The following AMBP variants were observed in gnomAD, a reference collection of about 807,000 sequenced individuals.
The protein encoded by AMBP is alpha-1-microglobulin/bikunin precursor.
AMBP carries 37 observed loss-of-function variants against 46.3 expected under a neutral mutation model. The observed-to-expected ratio is 0.80, with a 90% CI of 0.61 to 1.05. AMBP has a LOEUF of 1.05. Among genes scored for constraint, AMBP ranks in the 50% least tolerant of loss-of-function variants. The pLI, the probability that AMBP is intolerant of heterozygous loss-of-function variation, is 0.00. For synonymous variants in AMBP, 174 were observed against 175.9 expected (o/e 0.99, Z 0.09); for missense variants, 475 against 461.2 (o/e 1.03, Z -0.27).
chr9:114,070,862 T>C (rs1846737714), intron 5 of AMBP, among the ~76,000 whole-genome samples: 2 of 151,696 alleles, frequency 1.3e-5, no homozygotes, highest in South Asian at 2.1e-4. Flanking sequence ...CCTGATACTC[T>C]GGATGGCTGG....
intron 5 of AMBP, among the ~76,000 whole-genome samples, chr9:114,071,926 G>A (rs946827870): frequency 2.0e-5 from 3 of 152,214 alleles, no homozygotes; most frequent in African/African-American, 7.2e-5. Context: ...CACCCTGGCT[G>A]CAGAAAGGAG....
At chr9:114,060,561 TACTA>T (rs1451700965) in intron 9 of AMBP, among the ~76,000 whole-genome samples, 1 of 152,156 alleles carries the variant, frequency 6.6e-6, no homozygotes, top group Non-Finnish European at 1.5e-5. Context: ...GTTAGCTGAG[TACTA>T]ACTCCGCGTC....
rs1846776698 is a variant in AMBP, at chr9:114,074,116, G to C, written c.374C>G (p.Thr125Ser). Residue 125 changes from threonine (T) to serine (S), a missense_variant, in exon 4 of 10, where the codon ACC becomes AGC. Physicochemically the swap from Thr to Ser is moderately conservative, Grantham distance 58. This residue lies in a region of AMBP where 179 missense variants were observed against 167.4 expected (regional missense o/e 1.07). Transcript: ENST00000265132. ...GAAAATGGCATACTCATCATAGTTG[G>C]TGTGGACCACATAGGACTCCATGGT... ...NITMESYVVH[T>S]NYDEYAIFLT... The C allele has an allele frequency of 6.2e-7, 1 of 1,614,158 alleles. No homozygotes were observed. The highest frequency in any genetic ancestry group is 1.1e-5 in the South Asian group (1 of 91,070).
intron 1 of AMBP, 80 bp from the exon 2 acceptor site, chr9:114,076,820 T>C: frequency 6.7e-7 from 1 of 1,501,226 alleles, no homozygotes; most frequent in Non-Finnish European, 9.1e-7. Context: ...CTCCCCACCC[T>C]CCACCTCCTC....
At position 114,060,199 on chromosome 9, in the gene AMBP, C is replaced by T. The variant is rs1265227562; in HGVS notation, c.*40G>A. ...CGCTGCCTGCCACAGGACCCCGGGACAGACACTGGCCATCCTCTGACTTGC... is the reference window on the plus strand; with the variant it reads ...CGCTGCCTGCCACAGGACCCCGGGATAGACACTGGCCATCCTCTGACTTGC... On this transcript the variant is annotated 3_prime_UTR_variant, in exon 10 of 10. Transcript: ENST00000265132. The T allele has an allele frequency of 1.2e-6, 2 of 1,602,284 alleles. No individual in the cohort carries two copies. The highest frequency in any genetic ancestry group is 3.4e-5 in the Admixed American group (2 of 58,940).
intron 6 of AMBP, among the ~76,000 whole-genome samples, chr9:114,069,072 A>G (rs1023931875): frequency 3.3e-5 from 5 of 151,976 alleles, no homozygotes; most frequent in Non-Finnish European, 7.4e-5. Flanking sequence ...ATACACATAT[A>G]TATATACACA....
At position 114,062,264 on chromosome 9, in the gene AMBP, T is replaced by C. The variant is rs1846646936; in HGVS notation, c.685+413A>G. Among the ~76,000 whole-genome samples the C allele has an allele frequency of 2.6e-5, 4 of 152,136 alleles. 1 individual carries two copies. The South Asian group carries it at 8.3e-4, about 32-fold the overall frequency. On this transcript the variant is annotated intron_variant, in intron 7 of 9. Transcript: ENST00000265132. ...GTTCAGTGTTTGTTTGCTGATCGAG[T>C]TGGAGAGGAAGTTGTTATGTCATGG...
At position 114,061,081 on chromosome 9, in the gene AMBP, T is replaced by TG. The variant is rs1846632314; in HGVS notation, c.870dup (p.Ile291HisfsTer16). ...AAGGCTCGGCAGGGGCCCCGGACTATGGGGAGATTGCAGGCCGCTGTGGAG... is the reference window on the plus strand; with the variant it reads ...AAGGCTCGGCAGGGGCCCCGGACTATGGGGGAGATTGCAGGCCGCTGTGGAG... On this transcript the variant is annotated frameshift_variant, in exon 9 of 10. Coordinates refer to ENST00000265132, the MANE Select transcript of AMBP (RefSeq NM_001633.4). LOFTEE classifies it high-confidence loss of function. 6.2e-7 allele frequency: 1 copy of TG among 1,614,102 alleles called. No individual in the cohort carries two copies. The highest frequency in any genetic ancestry group is 2.2e-5 in the East Asian group (1 of 44,860).
At chr9:114,073,902 T>C (rs1846773103) in intron 4 of AMBP, 134 bp downstream of exon 4, 1 of 804,046 alleles carries the variant, frequency 1.2e-6, no homozygotes, top group Non-Finnish European at 2.1e-6. Context: ...GACTCAGTGA[T>C]TGTACCTTTC....
At chr9:114,061,242 A>C in intron 8 of AMBP, 144 bp from the exon 9 acceptor site, 1 of 1,394,824 alleles carries the variant, frequency 7.2e-7, no homozygotes, top group Non-Finnish European at 9.7e-7. Context: ...GCCCACAGGA[A>C]GAAAATGATT....
At chr9:114,066,376 C>T (rs889283018) in intron 6 of AMBP, among the ~76,000 whole-genome samples, 3 of 141,280 alleles carry the variant, frequency 2.1e-5, no homozygotes, top group East Asian at 2.2e-4. Context: ...TTTATGTGCA[C>T]GTGTGTGTGT....
intron 2 of AMBP, 122 bp downstream of exon 2, chr9:114,076,476 G>A (rs914796269): frequency 1.4e-5 from 20 of 1,399,232 alleles, no homozygotes; most frequent in Non-Finnish European, 1.8e-5. Context: ...AGAGGGATCT[G>A]GGGTTCAGCG....
chr9:114,065,468 C>T (rs953414379), intron 6 of AMBP, among the ~76,000 whole-genome samples: 6 of 152,166 alleles, frequency 3.9e-5, no homozygotes, highest in African/African-American at 1.4e-4. Context: ...ACAGAAGGAA[C>T]CAACCCTACC....
At chr9:114,064,148 G>C (rs1329933796) in intron 6 of AMBP, among the ~76,000 whole-genome samples, 1 of 152,158 alleles carries the variant, frequency 6.6e-6, no homozygotes, top group African/African-American at 2.4e-5. Context: ...GCCACTGGCC[G>C]TATGATATAA....
chr9:114,070,802 A>G lies in AMBP; in HGVS notation c.557-1057T>C, dbSNP rs570044139. Among the ~76,000 whole-genome samples, 438 of 152,018 alleles carry G rather than the reference A, an allele frequency of 2.9e-3. 3 individuals are homozygous for G. The highest frequency in any genetic ancestry group is 9.8e-3 in the African/African-American group (405 of 41,442). On this transcript the variant is annotated intron_variant, in intron 5 of 9. Transcript: ENST00000265132. ...TTGGGAGGAGGCTGTGTGTGAAGCCACCAGGGGCCATGTCCCCAGGGTCCA... is the reference window on the plus strand; with the variant it reads ...TTGGGAGGAGGCTGTGTGTGAAGCCGCCAGGGGCCATGTCCCCAGGGTCCA...
intron 9 of AMBP, among the ~76,000 whole-genome samples, chr9:114,060,689 C>A (rs145403949): frequency 4.2e-3 from 632 of 152,282 alleles, no homozygotes; most frequent in Non-Finnish European, 6.0e-3. Flanking sequence ...CCAGCTCTGC[C>A]CCACTCCTCA....
At chr9:114,073,946 A>C in intron 4 of AMBP, 90 bp downstream of exon 4, 3 of 1,263,694 alleles carry the variant, frequency 2.4e-6, no homozygotes, top group Non-Finnish European at 3.5e-6. Context: ...GGAAAAAGCA[A>C]AACTCCCTGT....
chr9:114,073,375 T>G (rs1406072206), intron 4 of AMBP, among the ~76,000 whole-genome samples: 6 of 151,880 alleles, frequency 4.0e-5, no homozygotes, highest in Non-Finnish European at 8.8e-5. Context: ...GCCTCCTGAG[T>G]AGCTGGGACT....
At chr9:114,067,739 C>T (rs1238684057) in intron 6 of AMBP, among the ~76,000 whole-genome samples, 1 of 151,970 alleles carries the variant, frequency 6.6e-6, no homozygotes, top group Non-Finnish European at 1.5e-5. Context: ...AATGGAGTAA[C>T]ATATACAAAG....
Sources: gnomAD v4.1 joint callset for allele counts (sites outside exome capture counted in the v4.1 genomes callset) on GRCh38, gnomAD v4.1.1 for gene constraint, gnomAD v4.1.1 regional missense constraint, MANE v1.5 for transcripts, NCBI Gene and HGNC (gene_info 2026-07-23, HGNC 2026-07-21) for gene names.